ROBO2: variants seen among roughly 807,000 people sequenced by gnomAD.
ROBO2 encodes the protein roundabout homolog 2.
ROBO2 carries 53 observed loss-of-function variants against 160.8 expected under a neutral mutation model. That is an observed-to-expected ratio of 0.33 (90% CI 0.26 to 0.41). The LOEUF is 0.41. Among genes scored for constraint, ROBO2 ranks in the 10% least tolerant of loss-of-function variants. The pLI, the probability that ROBO2 is intolerant of heterozygous loss-of-function variation, is 1.00. For synonymous variants in ROBO2, 664 were observed against 611.7 expected, an observed-to-expected ratio of 1.09 and a Z score of -1.26; for missense variants, 1,577 against 1,722.4, an observed-to-expected ratio of 0.92 and a Z score of 1.49.
intron 2 of ROBO2, among the ~76,000 whole-genome samples, chr3:76,620,137 T>A (rs188034619): frequency 6.6e-6 from 1 of 152,174 alleles, no homozygotes; most frequent in African/African-American, 2.4e-5. Flanking sequence ...TTTAAAATCT[T>A]AGCATTAAGT....
exon 25 of ROBO2, chr3:77,644,742 T>A (rs2095394528): frequency 1.9e-6 from 3 of 1,613,886 alleles, no homozygotes; most frequent in Non-Finnish European, 2.5e-6. Flanking sequence ...CAGTTTCCCA[T>A]CTCCAGGTGG....
intron 9 of ROBO2, among the ~76,000 whole-genome samples, chr3:77,561,996 G>C (rs534565402): frequency 2.0e-5 from 3 of 151,868 alleles, no homozygotes; most frequent in African/African-American, 7.3e-5. Context: ...CCAGCTACTC[G>C]GGAGTCTGAG....
At chr3:77,175,986 T>C (rs756131526) in intron 2 of ROBO2, among the ~76,000 whole-genome samples, 4 of 151,900 alleles carry the variant, frequency 2.6e-5, no homozygotes, top group South Asian at 2.1e-4. Flanking sequence ...GATGGAATAA[T>C]GAAAGAATGA....
intron 2 of ROBO2, among the ~76,000 whole-genome samples, chr3:76,165,717 CAT>C (rs958427759): frequency 1.3e-5 from 2 of 152,040 alleles, no homozygotes; most frequent in Non-Finnish European, 1.5e-5. Context: ...CCCTTGAACA[CAT>C]AGAGACCATT....
intron 2 of ROBO2, among the ~76,000 whole-genome samples, chr3:76,114,168 C>T (rs1193051511): frequency 6.6e-6 from 1 of 152,182 alleles, no homozygotes; most frequent in Non-Finnish European, 1.5e-5. Context: ...TAAAGTCCCA[C>T]CTTTCATCAC....
intron 2 of ROBO2, among the ~76,000 whole-genome samples, chr3:76,411,673 T>TA (rs1470120035): frequency 2.0e-4 from 30 of 152,208 alleles, no homozygotes; most frequent in African/African-American, 7.2e-4. Flanking sequence ...TTATTACAGT[T>TA]ACAATGGATA....
intron 2 of ROBO2, among the ~76,000 whole-genome samples, chr3:76,087,874 C>G (rs2069077442): frequency 1.3e-5 from 2 of 151,880 alleles, no homozygotes; most frequent in Admixed American, 1.3e-4. Context: ...ACCTGTAGGG[C>G]AATCAATTTT....
intron 1 of ROBO2, 106 bp from the exon 2 acceptor site, chr3:77,097,908 A>G (rs1262078016): frequency 6.2e-6 from 6 of 968,778 alleles, no homozygotes; most frequent in South Asian, 1.9e-5. Context: ...AATAATGTTC[A>G]GTTGGATAAT....
At chr3:76,395,391 A>G (rs2077380121) in intron 2 of ROBO2, among the ~76,000 whole-genome samples, 1 of 149,720 alleles carries the variant, frequency 6.7e-6, no homozygotes, top group South Asian at 2.1e-4. Context: ...TGCAAAATTG[A>G]CACCCTAACA....
intron 2 of ROBO2, among the ~76,000 whole-genome samples, chr3:76,443,268 C>T (rs951210922): frequency 6.6e-6 from 1 of 152,040 alleles, no homozygotes; most frequent in Non-Finnish European, 1.5e-5. Flanking sequence ...CCCATCAGGC[C>T]CCACCTCCAA....
chr3:76,865,443 G>A (rs1051088180), intron 2 of ROBO2, among the ~76,000 whole-genome samples: 1 of 152,086 alleles, frequency 6.6e-6, no homozygotes, highest in African/African-American at 2.4e-5. Flanking sequence ...CTGGTAACAA[G>A]CAGTTTGTGG....
chr3:77,447,192 T>A lies in ROBO2; in HGVS notation c.389-30222T>A, dbSNP rs138180985. Among the ~76,000 whole-genome samples the A allele has an allele frequency of 7.9e-5, 12 of 152,240 alleles. No individual in the cohort carries two copies. In the East Asian group the frequency reaches 2.1e-3, roughly 27 times the overall value. On this transcript the variant is annotated intron_variant, in intron 2 of 25. Coordinates refer to ENST00000461745, the Ensembl canonical transcript of ROBO2. ...TGAAATGTTTCATAGCAACAGCCAA[T>A]GCTAATAAGTTACTTAGCACTATTG... is the stretch of plus-strand genomic sequence containing the variant.
chr3:76,402,456 A>G (rs6767481), intron 2 of ROBO2, among the ~76,000 whole-genome samples: 28,188 of 151,430 alleles, frequency 0.19, 3,097 homozygotes, highest in African/African-American at 0.3. Context: ...TTTTATAACT[A>G]GTGTAGTAGA....
Position 76,529,347 on chromosome 3 carries a change from G to T in ROBO2, c.110-568667G>T, listed in dbSNP as rs138659690. Among the ~76,000 whole-genome samples the T allele has an allele frequency of 1.1e-4, 16 of 152,216 alleles. No individual in the cohort carries two copies. The East Asian group carries it at 3.1e-3, about 30-fold the overall frequency. ...TCTGCATGTATTCCAGGCCAGATTG[G>T]AGTATTTTTTTTGGGTCCCCTGCCT... On this transcript the variant is annotated intron_variant, in intron 2 of 26. Transcript: ENST00000487694.
At chr3:77,045,044 A>G (rs551036204) in intron 1 of ROBO2, among the ~76,000 whole-genome samples, 2 of 152,122 alleles carry the variant, frequency 1.3e-5, no homozygotes, top group South Asian at 2.1e-4. Flanking sequence ...GGAACACCCA[A>G]TGTTGGGGGA....
intron 2 of ROBO2, among the ~76,000 whole-genome samples, chr3:77,321,075 T>C (rs1266586136): frequency 1.3e-5 from 2 of 152,218 alleles, no homozygotes; most frequent in Non-Finnish European, 2.9e-5. Flanking sequence ...ATTTTTTTCA[T>C]AATTTATTGG....
rs191728550 is a variant in ROBO2 at position 77,514,968 on chromosome 3, A to G, written c.807-7807A>G. ...AGTCACAAGAGTTTTTTCCCCAACT[A>G]TAACTGCCTCCATATGTGGTTTTGG... On this transcript the variant is annotated intron_variant, in intron 5 of 25. Coordinates refer to ENST00000461745, the Ensembl canonical transcript of ROBO2. 2.0e-5 allele frequency among the ~76,000 whole-genome samples: 3 copies of G among 151,868 alleles called. No homozygotes were observed. In the East Asian group the frequency reaches 5.9e-4, roughly 30 times the overall value.
intron 2 of ROBO2, among the ~76,000 whole-genome samples, chr3:76,179,370 T>TA (rs1701388563): frequency 6.6e-6 from 1 of 152,142 alleles, no homozygotes; most frequent in African/African-American, 2.4e-5. Context: ...ACTGCAAACC[T>TA]ACCTCTTCCC....
intron 2 of ROBO2, among the ~76,000 whole-genome samples, chr3:76,032,638 T>C (rs2066964545): frequency 6.6e-6 from 1 of 152,182 alleles, no homozygotes; most frequent in African/African-American, 2.4e-5. Context: ...CAGGAGCAGG[T>C]TGTTTAGTTT....
Sources: allele counts gnomAD v4.1 joint callset (sites outside exome capture counted in the v4.1 genomes callset), GRCh38; gene constraint gnomAD v4.1.1; transcripts MANE v1.5; gene names NCBI Gene and HGNC (gene_info 2026-07-23, HGNC 2026-07-21).